Variants in CNGB3 observed in about 807,000 individuals in gnomAD.
CNGB3 encodes the protein cyclic nucleotide-gated channel beta-3.
In CNGB3, 86 loss-of-function variants were observed where a neutral mutation model predicts 92.8. The ratio of observed to expected loss-of-function variants is 0.93; its 90% CI spans 0.78 to 1.11. The LOEUF (loss-of-function observed/expected upper bound fraction) is 1.11. Ranked by LOEUF, CNGB3 falls within the 50% of genes least tolerant of loss-of-function variation. The pLI, the probability that CNGB3 is intolerant of heterozygous loss-of-function variation, is 0.00. For synonymous variants in CNGB3, 333 were observed against 332.7 expected (o/e 1.00, Z -0.01); for missense variants, 1,026 against 956.8 (o/e 1.07, Z -0.95).
chr8:86,659,114 C>T, intron 6 of CNGB3: 3 of 726,098 alleles, frequency 4.1e-6, no homozygotes, highest in East Asian at 2.5e-5. Context: ...TCAGTTTGGC[C>T]AAGCTGGTCT....
In CNGB3 at chr8:86,720,813, C is replaced by CATAT. The variant is rs4024072; in HGVS notation, c.338+5714_338+5717dup. On this transcript the variant is annotated intron_variant, in intron 3 of 17. Coordinates refer to ENST00000320005, the MANE Select transcript of CNGB3 (RefSeq NM_019098.5). ...ATCACAACTTATATATATTCCATGGCATATATATATATATATATATATGTA... is the reference window on the plus strand; with the variant it reads ...ATCACAACTTATATATATTCCATGGCATATATATATATATATATATATATATGTA... Among the ~76,000 whole-genome samples, 747 of 134,476 alleles carry CATAT rather than the reference C, an allele frequency of 5.6e-3. 10 individuals are homozygous for CATAT. The highest frequency in any genetic ancestry group is 0.018 in the South Asian group (72 of 3,896). 88.2% of individuals were successfully genotyped at this position (134,476 alleles called of 152,430 possible).
rs1563766058 is a variant in CNGB3, at chr8:86,720,837, T to TACACAC, written c.338+5693_338+5694insGTGTGT. Among the ~76,000 whole-genome samples, 12 of 32,878 alleles carry TACACAC rather than the reference T, an allele frequency of 3.6e-4. No individual in the cohort carries two copies. In the East Asian group the frequency reaches 0.015, roughly 42 times the overall value. The allele number at this position is 32,878 out of a possible 152,430, so 21.6% of individuals were successfully genotyped here. A position where few individuals can be genotyped will look rare whatever the true frequency, so the allele number is the denominator to read the frequency against. The stretch of plus-strand genomic sequence containing the variant: ...GCATATATATATATATATATATATG[T>TACACAC]ATACACACACACACACACACACACA... On this transcript the variant is annotated intron_variant, in intron 3 of 17. Transcript: ENST00000320005.
rs1019409249 is a variant in CNGB3 at position 86,589,144 on chromosome 8, C to A, written c.1782-9892G>T. 1.4e-3 allele frequency among the ~76,000 whole-genome samples: 206 copies of A among 150,118 alleles called. 1 individual carries two copies. Among genetic ancestry groups the A allele is most frequent in the Middle Eastern group, 6.9e-3 (2 of 290 alleles). On this transcript the variant is annotated intron_variant, in intron 15 of 17. Transcript: ENST00000320005. The stretch of plus-strand genomic sequence containing the variant: ...TTTGCGTAGAGGTGTTTGTAGTATT[C>A]TCTGATGGTAGTTTGTATTTCTGTG...
intron 14 of CNGB3, among the ~76,000 whole-genome samples, chr8:86,604,852 T>C (rs2131559774): frequency 6.6e-6 from 1 of 152,346 alleles, no homozygotes. Context: ...GGTGTTATTC[T>C]ATATTCCTGA....
intron 15 of CNGB3, chr8:86,593,973 A>C (rs1301621827): frequency 2.1e-6 from 1 of 474,806 alleles, no homozygotes; most frequent in African/African-American, 2.0e-5. Context: ...GGGAGCGAGA[A>C]CTTGTTGAAC....
At chr8:86,656,132 G>A (rs1823502194) in intron 6 of CNGB3, among the ~76,000 whole-genome samples, 1 of 152,148 alleles carries the variant, frequency 6.6e-6, no homozygotes, top group Non-Finnish European at 1.5e-5. Context: ...GATTTTTACT[G>A]TGAAACAAAA....
chr8:86,692,701 C>T (rs777569211), intron 3 of CNGB3, among the ~76,000 whole-genome samples: 20 of 152,060 alleles, frequency 1.3e-4, no homozygotes, highest in East Asian at 3.9e-4. Context: ...ATCTTTTAAG[C>T]GGAGCATTTA....
intron 15 of CNGB3, among the ~76,000 whole-genome samples, chr8:86,591,723 A>T (rs1026288688): frequency 1.3e-5 from 2 of 152,208 alleles, no homozygotes; most frequent in African/African-American, 4.8e-5. Flanking sequence ...GCGTACTGGG[A>T]GAACCACTGC....
At chr8:86,642,182 C>T (rs977938013) in intron 10 of CNGB3, among the ~76,000 whole-genome samples, 5 of 151,636 alleles carry the variant, frequency 3.3e-5, no homozygotes, top group African/African-American at 1.2e-4. Flanking sequence ...AATAGCTTCA[C>T]TTTCTGGAAG....
intron 7 of CNGB3, among the ~76,000 whole-genome samples, chr8:86,650,912 T>C (rs139890226): frequency 3.3e-5 from 5 of 151,934 alleles, no homozygotes; most frequent in South Asian, 4.1e-4. Flanking sequence ...GGAACTAACC[T>C]AAGTGGCCAT....
At chr8:86,708,569 T>TC in intron 3 of CNGB3, among the ~76,000 whole-genome samples, 2 of 140,030 alleles carry the variant, frequency 1.4e-5, no homozygotes, top group South Asian at 4.9e-4. Flanking sequence ...CTTAATTTTT[T>TC]TTTTTTTTTT....
intron 13 of CNGB3, among the ~76,000 whole-genome samples, chr8:86,622,270 A>G (rs1822752182): frequency 6.6e-6 from 1 of 152,126 alleles, no homozygotes. Context: ...CCTTGTTCAT[A>G]TAACAGACTT....
At chr8:86,741,556 C>T (rs1193156108) in intron 1 of CNGB3, among the ~76,000 whole-genome samples, 1 of 151,994 alleles carries the variant, frequency 6.6e-6, no homozygotes, top group East Asian at 1.9e-4. Flanking sequence ...ATCCCAGCTA[C>T]TCGGGAGGCT....
rs201781324 is a variant in CNGB3, at chr8:86,613,626, G to C, written c.1579-1955C>G. Among the ~76,000 whole-genome samples the C allele has an allele frequency of 9.9e-5, 15 of 152,134 alleles. No homozygotes were observed. In the East Asian group the frequency reaches 2.9e-3, roughly 29 times the overall value. On this transcript the variant is annotated intron_variant, in intron 13 of 17. Transcript: ENST00000320005. ...CATGGAGAAGATTTACATTGTAAATGATCAGAAATAGAAGATCTCAAAAGA... is the reference window on the plus strand; with the variant it reads ...CATGGAGAAGATTTACATTGTAAATCATCAGAAATAGAAGATCTCAAAAGA...
At chr8:86,735,602 C>T (rs1825237336) in intron 2 of CNGB3, among the ~76,000 whole-genome samples, 1 of 152,048 alleles carries the variant, frequency 6.6e-6, no homozygotes, top group Admixed American at 6.5e-5. Flanking sequence ...CTCCTTGGGT[C>T]CTGGTCCCTT....
chr8:86,631,493 G>A (rs1045645010), intron 11 of CNGB3, among the ~76,000 whole-genome samples: 1 of 152,046 alleles, frequency 6.6e-6, no homozygotes, highest in Non-Finnish European at 1.5e-5. Context: ...TCTTTAAACT[G>A]GAGTTTTCTC....
At chr8:86,631,409 A>G (rs966363580) in intron 11 of CNGB3, among the ~76,000 whole-genome samples, 1 of 152,182 alleles carries the variant, frequency 6.6e-6, no homozygotes, top group African/African-American at 2.4e-5. Flanking sequence ...TACTGTTATT[A>G]TCAGTGTTAT....
intron 2 of CNGB3, among the ~76,000 whole-genome samples, chr8:86,728,701 G>T (rs947251336): frequency 1.3e-5 from 2 of 152,144 alleles, no homozygotes; most frequent in Admixed American, 1.3e-4. Context: ...ACATGGAGGG[G>T]ATCTGGAGTT....
At chr8:86,712,913 G>A (rs919298973) in intron 3 of CNGB3, among the ~76,000 whole-genome samples, 4 of 149,750 alleles carry the variant, frequency 2.7e-5, no homozygotes, top group African/African-American at 9.8e-5. Context: ...TTGCTCATCT[G>A]TTTTTTTTCA....
Sources: allele counts gnomAD v4.1 joint callset (sites outside exome capture counted in the v4.1 genomes callset), GRCh38; gene constraint gnomAD v4.1.1; transcripts MANE v1.5; gene names NCBI Gene and HGNC (gene_info 2026-07-23, HGNC 2026-07-21).